Variants in CCDC39 observed in about 807,000 individuals in gnomAD.
CCDC39 encodes the protein coiled-coil domain 39 molecular ruler complex subunit, also known as coiled-coil domain-containing protein 39.
A neutral mutation model predicts 121.0 loss-of-function variants in CCDC39; 113 were observed. That is an observed-to-expected ratio of 0.93 (90% confidence interval 0.80 to 1.09). The LOEUF (loss-of-function observed/expected upper bound fraction) is 1.09, where lower values mean the gene tolerates loss of function less well. CCDC39 is among the 50% of genes least tolerant of loss of function. CCDC39 has a pLI of 0.00. For missense variants in CCDC39, 1,063 were observed against 1,074.7 expected, an observed-to-expected ratio of 0.99 and a Z score of 0.15; for synonymous variants, 349 against 352.2, an observed-to-expected ratio of 0.99 and a Z score of 0.10.
chr3:180,623,299 A>C (rs914839862), intron 14 of CCDC39, among the ~76,000 whole-genome samples: 6 of 151,648 alleles, frequency 4.0e-5, no homozygotes, highest in African/African-American at 1.2e-4. Context: ...TCTGTAGTTC[A>C]GTTGTAATGT....
intron 2 of CCDC39, 85 bp downstream of exon 2, chr3:180,663,782 T>G: frequency 7.9e-7 from 1 of 1,261,806 alleles, no homozygotes. Flanking sequence ...TTTCCTATTA[T>G]AGCTGTAAAA....
chr3:180,677,160 TAATAA>T (rs1712242390), intron 1 of CCDC39, among the ~76,000 whole-genome samples: 3 of 80,162 alleles, frequency 3.7e-5, no homozygotes, highest in Admixed American at 1.6e-4. Context: ...ATAATAATAA[TAATAA>T]TTTTATATAT....
rs753323311 is a variant in CCDC39 at position 180,642,163 on chromosome 3, A to C, written c.1704T>G (p.Val568=). Residue 568 remains valine (V), a synonymous_variant, in exon 13 of 20, where the codon GTT becomes GTG. Coordinates refer to ENST00000476379, the MANE Select transcript of CCDC39 (RefSeq NM_181426.2). The stretch of plus-strand genomic sequence containing the variant: ...TGTGAAGCATTTCTCGAGTACGCTT[A>C]ACTTCAAGTTTTAAAAGATTGTCCT... ...MIEDNLLKLE[V]KRTREMLHSK... is the part of the protein sequence containing the mutation. 27 of 1,609,114 alleles carry C rather than the reference A, an allele frequency of 1.7e-5. No homozygotes were observed. The Admixed American group carries it at 2.7e-4, about 16-fold the overall frequency.
chr3:180,646,841 A>T (rs1234744122), intron 11 of CCDC39, among the ~76,000 whole-genome samples: 2 of 152,100 alleles, frequency 1.3e-5, no homozygotes, highest in Non-Finnish European at 2.9e-5. Context: ...AGACATCTGT[A>T]AGGATTATAT....
chr3:180,658,863 T>C (rs1357715347), intron 6 of CCDC39, among the ~76,000 whole-genome samples: 1 of 152,132 alleles, frequency 6.6e-6, no homozygotes, highest in Admixed American at 6.5e-5. Flanking sequence ...TCTCAAATCT[T>C]CCCACTTTTA....
At position 180,660,575 on chromosome 3, in the gene CCDC39, T is replaced by C. The variant is rs1348445459; in HGVS notation, c.511A>G (p.Ile171Val). The C allele has an allele frequency of 3.2e-6, 5 of 1,576,332 alleles. No homozygotes were observed. Among genetic ancestry groups the C allele is most frequent in the Non-Finnish European group, 4.3e-6 (5 of 1,157,024 alleles). The change falls in exon 4 of 20, where the codon ATC becomes GTC. Residue 171 changes from isoleucine to valine, a missense_variant. Coordinates refer to ENST00000476379, the MANE Select transcript of CCDC39 (RefSeq NM_181426.2). Reference sequence around the variant, plus strand: ...TACAATTTGTAATTTCTCACCCTGATTTTATTATCATCTTGTTGTGCATAC... The same window carrying C: ...TACAATTTGTAATTTCTCACCCTGACTTTATTATCATCTTGTTGTGCATAC... ...QKYAQQDDNKIRALTLQLERL... is the reference protein window; with the variant it reads ...QKYAQQDDNKVRALTLQLERL...
At chr3:180,655,225 A>G in intron 6 of CCDC39, among the ~76,000 whole-genome samples, 1 of 152,150 alleles carries the variant, frequency 6.6e-6, no homozygotes, top group Admixed American at 6.5e-5. Context: ...GCTTTTATAT[A>G]TGAAAGGTAA....
chr3:180,648,026 A>T (rs1718113763), intron 10 of CCDC39, 139 bp downstream of exon 10: 3 of 663,856 alleles, frequency 4.5e-6, no homozygotes, highest in Non-Finnish European at 7.6e-6. Context: ...TACTGATCTA[A>T]CATGATGTCT....
rs1006159312 is a variant in CCDC39 at position 180,679,226 on chromosome 3, G to T, written c.90+65C>A. The T allele has an allele frequency of 7.1e-6, 9 of 1,269,536 alleles. No homozygotes were observed. The Admixed American group carries it at 8.4e-5, about 12-fold the overall frequency. 78.6% of individuals were successfully genotyped at this position (1,269,536 alleles called of 1,614,324 possible). The stretch of plus-strand genomic sequence containing the variant: ...GAAATAAAAGGGCTGGGGTAGTACT[G>T]CCAACCAGAAAACGCCCCCAACAGG... On this transcript the variant is annotated intron_variant, in intron 1 of 19. Transcript: ENST00000476379. The surrounding 1 kb of genome is among the most constrained non-coding windows in gnomAD (Gnocchi z 4.0).
At chr3:180,624,546 C>T (rs762696113) in intron 14 of CCDC39, among the ~76,000 whole-genome samples, 3 of 151,956 alleles carry the variant, frequency 2.0e-5, no homozygotes, top group Non-Finnish European at 4.4e-5. Context: ...CCAGTGATGC[C>T]TTTCTCTTCC....
chr3:180,674,588 C>T (rs1442750716), intron 1 of CCDC39, among the ~76,000 whole-genome samples: 1 of 152,102 alleles, frequency 6.6e-6, no homozygotes, highest in East Asian at 1.9e-4. Flanking sequence ...CAGTTTTTGC[C>T]CATTCAGTAT....
intron 14 of CCDC39, among the ~76,000 whole-genome samples, chr3:180,627,665 A>G (rs1717596170): frequency 1.3e-5 from 2 of 152,222 alleles, no homozygotes; most frequent in African/African-American, 4.8e-5. Context: ...GAAAAATACT[A>G]GTCCTTCACT....
chr3:180,656,482 A>T (rs1289496825), intron 6 of CCDC39, among the ~76,000 whole-genome samples: 3 of 152,214 alleles, frequency 2.0e-5, no homozygotes, highest in African/African-American at 7.2e-5. Flanking sequence ...CAGGAAGAGG[A>T]ACAAAAGAGT....
Position 180,614,795 on chromosome 3 carries a change from A to T in CCDC39, c.*126T>A, listed in dbSNP as rs1287388618. 1.3e-6 allele frequency: 1 copy of T among 743,898 alleles called. No homozygotes were observed. 46.1% of individuals were successfully genotyped at this position (743,898 alleles called of 1,614,324 possible). A position where few individuals can be genotyped will look rare whatever the true frequency, so the allele number is the denominator to read the frequency against. ...AGAACGTTCCTTTTTTTTTAAAACT[A>T]TCAGTTTTTACACTTACCACTAAGT... On this transcript the variant is annotated 3_prime_UTR_variant, in exon 20 of 20. Coordinates refer to ENST00000476379, the MANE Select transcript of CCDC39 (RefSeq NM_181426.2).
At chr3:180,677,425 T>C (rs1485176147) in intron 1 of CCDC39, among the ~76,000 whole-genome samples, 1 of 151,234 alleles carries the variant, frequency 6.6e-6, no homozygotes, top group Non-Finnish European at 1.5e-5. Context: ...TAAAACTTGA[T>C]AATATTAAAA....
intron 13 of CCDC39, among the ~76,000 whole-genome samples, chr3:180,641,557 A>G (rs772909669): frequency 6.6e-6 from 1 of 152,180 alleles, no homozygotes; most frequent in Non-Finnish European, 1.5e-5. Flanking sequence ...GTTGCTGAAT[A>G]CTTAATATAC....
intron 1 of CCDC39, among the ~76,000 whole-genome samples, chr3:180,665,469 T>C (rs1476398958): frequency 1.3e-5 from 2 of 152,132 alleles, no homozygotes; most frequent in African/African-American, 4.8e-5. Context: ...GAATTTCAAT[T>C]TAAGAAAAAA....
chr3:180,679,031 G>A lies in CCDC39; in HGVS notation c.90+260C>T, dbSNP rs1015210519. The stretch of plus-strand genomic sequence containing the variant: ...AGGAGGAACGAAATAAGTAAGAGGA[G>A]TGGGCATGAGGAAGGGAGTAATAAT... On this transcript the variant is annotated intron_variant, in intron 1 of 19. Transcript: ENST00000476379. This position sits in a 1 kb window ranked among gnomAD's most constrained non-coding sequence, Gnocchi z 4.0. Among the ~76,000 whole-genome samples, 1 of 152,180 alleles carries A rather than the reference G, an allele frequency of 6.6e-6. No homozygotes were observed. The highest frequency in any genetic ancestry group is 1.5e-5 in the Non-Finnish European group (1 of 68,038).
chr3:180,675,100 C>T (rs983530795), intron 1 of CCDC39, among the ~76,000 whole-genome samples: 14 of 152,258 alleles, frequency 9.2e-5, no homozygotes, highest in East Asian at 1.9e-4. Flanking sequence ...GCTGTGAATA[C>T]ATCTGGTCCT....
Sources: gnomAD v4.1 joint callset for allele counts (sites outside exome capture counted in the v4.1 genomes callset) on GRCh38, gnomAD v4.1.1 for gene constraint, Gnocchi (gnomAD v3.1) non-coding constraint, MANE v1.5 for transcripts, NCBI Gene and HGNC (gene_info 2026-07-23, HGNC 2026-07-21) for gene names.